CLDN16: variants seen among roughly 807,000 people sequenced by gnomAD.
CLDN16 encodes claudin-16.
A neutral mutation model predicts 24.6 loss-of-function variants in CLDN16; 13 were observed. That is an observed-to-expected ratio of 0.53 (90% CI 0.34 to 0.84). The LOEUF (loss-of-function observed/expected upper bound fraction) is 0.84. CLDN16 is among the 40% of genes least tolerant of loss of function. The pLI is 0.01. For synonymous variants in CLDN16, 116 were observed against 106.7 expected (o/e 1.09, Z -0.54); for missense variants, 298 against 292.7 (o/e 1.02, Z -0.13).
At chr3:190,314,520 G>T in the CLDN16 span, among the ~76,000 whole-genome samples, 2 of 151,698 alleles carry the variant, frequency 1.3e-5, no homozygotes, top group African/African-American at 4.8e-5. Flanking sequence ...ACAGCCTCCT[G>T]AGTAGCTGGG....
At chr3:190,356,806 T>C (rs897302127) in intron 1 of CLDN16, among the ~76,000 whole-genome samples, 3 of 151,950 alleles carry the variant, frequency 2.0e-5, no homozygotes, top group Admixed American at 6.6e-5. Flanking sequence ...TTTTGAAACA[T>C]AATGATTGCA....
chr3:190,383,014 T>C (rs894533879), intron 3 of CLDN16, among the ~76,000 whole-genome samples: 2 of 152,084 alleles, frequency 1.3e-5, no homozygotes, highest in African/African-American at 4.8e-5. Flanking sequence ...GATTTTAAAT[T>C]AGAATCATTT....
At chr3:190,329,593 T>G (rs2108622076) in intron 1 of CLDN16, among the ~76,000 whole-genome samples, 1 of 152,268 alleles carries the variant, frequency 6.6e-6, no homozygotes, top group Non-Finnish European at 1.5e-5. Context: ...CTGTATTGTC[T>G]TAGGAGGAAT....
intron 1 of CLDN16, among the ~76,000 whole-genome samples, chr3:190,396,571 G>C (rs564593089): frequency 6.6e-6 from 1 of 152,150 alleles, no homozygotes; most frequent in Non-Finnish European, 1.5e-5. Context: ...CAGCTGCCAT[G>C]TTTGTCTTTA....
chr3:190,397,015 G>A (rs1203617980), intron 1 of CLDN16, among the ~76,000 whole-genome samples: 1 of 152,128 alleles, frequency 6.6e-6, no homozygotes, highest in Non-Finnish European at 1.5e-5. Context: ...CTAAATGGGA[G>A]CAGCCACTCC....
chr3:190,294,654 A>G, the CLDN16 span, among the ~76,000 whole-genome samples: 2 of 152,122 alleles, frequency 1.3e-5, no homozygotes, highest in East Asian at 3.8e-4. Flanking sequence ...TTCAATAAAC[A>G]AAGCTTTTAT....
At chr3:190,315,647 C>A in the CLDN16 span, among the ~76,000 whole-genome samples, 251 of 152,202 alleles carry the variant, frequency 1.6e-3, no homozygotes, top group Middle Eastern at 3.4e-3. Flanking sequence ...TACTCTTTTT[C>A]AACCTTTTAT....
At chr3:190,380,300 A>G (rs1482436551) in intron 3 of CLDN16, among the ~76,000 whole-genome samples, 1 of 145,736 alleles carries the variant, frequency 6.9e-6, no homozygotes, top group Non-Finnish European at 1.5e-5. Context: ...ACTAATAAAC[A>G]TCATCTAGAG....
the CLDN16 span, among the ~76,000 whole-genome samples, chr3:190,301,558 T>C: frequency 1.3e-5 from 2 of 152,164 alleles, no homozygotes; most frequent in Non-Finnish European, 2.9e-5. Flanking sequence ...ATGAAATTTC[T>C]GACTTTTTTT....
intron 1 of CLDN16, among the ~76,000 whole-genome samples, chr3:190,346,278 T>G (rs2108632531): frequency 6.6e-6 from 1 of 151,972 alleles, no homozygotes; most frequent in African/African-American, 2.4e-5. Flanking sequence ...AAAAAAAAAC[T>G]GAAGGAAAAA....
At chr3:190,373,410 A>C (rs1262037705) in intron 2 of CLDN16, among the ~76,000 whole-genome samples, 1 of 151,950 alleles carries the variant, frequency 6.6e-6, no homozygotes, top group African/African-American at 2.4e-5. Flanking sequence ...AGAACATATA[A>C]TTTTATGAGT....
intron 1 of CLDN16, among the ~76,000 whole-genome samples, chr3:190,340,961 G>A (rs1156304561): frequency 6.6e-6 from 1 of 152,218 alleles, no homozygotes. Context: ...TTTGACTCCA[G>A]GTCTCACGAC....
In CLDN16 at chr3:190,381,525, G is replaced by T. The variant is rs565175225; in HGVS notation, n.306+6922G>T. Reference sequence around the variant, plus strand: ...GGACATACCAAAGTACTCACTCACTGCTTCTTAATTTAATACTTACTCCTA... The same window carrying T: ...GGACATACCAAAGTACTCACTCACTTCTTCTTAATTTAATACTTACTCCTA... On this transcript the variant is annotated intron_variant and non_coding_transcript_variant, in intron 3 of 4. Transcript: ENST00000468220. Among the ~76,000 whole-genome samples, 27 of 152,184 alleles carry T rather than the reference G, an allele frequency of 1.8e-4. 1 individual carries two copies. The highest frequency in any genetic ancestry group is 6.3e-4 in the African/African-American group (26 of 41,550).
intron 3 of CLDN16, among the ~76,000 whole-genome samples, chr3:190,381,850 C>A (rs1718379205): frequency 6.6e-6 from 1 of 151,982 alleles, no homozygotes; most frequent in Admixed American, 6.6e-5. Flanking sequence ...CCTTGCCCAA[C>A]ATGGATTAAG....
At chr3:190,377,859 G>T (rs1396771545) in intron 3 of CLDN16, among the ~76,000 whole-genome samples, 1 of 151,702 alleles carries the variant, frequency 6.6e-6, no homozygotes, top group Non-Finnish European at 1.5e-5. Context: ...GAAAATACTT[G>T]CCTGCAACCT....
intron 1 of CLDN16, among the ~76,000 whole-genome samples, chr3:190,352,704 G>T (rs1404485704): frequency 2.6e-5 from 4 of 151,736 alleles, no homozygotes; most frequent in African/African-American, 7.3e-5. Flanking sequence ...ACATCAAAAG[G>T]TCCTTGAAAC....
At chr3:190,332,261 A>T (rs971014710) in intron 1 of CLDN16, among the ~76,000 whole-genome samples, 3 of 152,220 alleles carry the variant, frequency 2.0e-5, no homozygotes, top group African/African-American at 7.2e-5. Flanking sequence ...CTATGTAAAT[A>T]TATTGCAGAT....
intron 1 of CLDN16, among the ~76,000 whole-genome samples, chr3:190,400,486 C>T (rs553960947): frequency 6.4e-4 from 97 of 152,272 alleles, no homozygotes; most frequent in Non-Finnish European, 1.2e-3. Flanking sequence ...CCGCCTCAGC[C>T]TCCCAAAGTG....
chr3:190,347,279 G>A (rs529153744), intron 1 of CLDN16, among the ~76,000 whole-genome samples: 1 of 152,288 alleles, frequency 6.6e-6, no homozygotes, highest in South Asian at 2.1e-4. Flanking sequence ...TTGATGTGAT[G>A]AGAAAGTAGG....
Sources: gnomAD v4.1 joint callset for allele counts (sites outside exome capture counted in the v4.1 genomes callset) on GRCh38, gnomAD v4.1.1 for gene constraint, MANE v1.5 for transcripts, NCBI Gene and HGNC (gene_info 2026-07-23, HGNC 2026-07-21) for gene names.